PPARGC1A: variants seen among roughly 807,000 people sequenced by gnomAD.
The protein encoded by PPARGC1A is peroxisome proliferator-activated receptor gamma coactivator 1-alpha.
PPARGC1A carries 25 observed loss-of-function variants against 88.7 expected under a neutral mutation model. The ratio of observed to expected loss-of-function variants is 0.28; its 90% confidence interval spans 0.21 to 0.39. The LOEUF is 0.39. Ranked by LOEUF, PPARGC1A falls within the 10% of genes least tolerant of loss-of-function variation. The pLI is 1.00. For missense variants in PPARGC1A, 880 were observed against 968.7 expected, an observed-to-expected ratio of 0.91 and a Z score of 1.22; for synonymous variants, 363 against 355.6, an observed-to-expected ratio of 1.02 and a Z score of -0.24.
the PPARGC1A span, among the ~76,000 whole-genome samples, chr4:24,303,170 C>T: frequency 5.3e-5 from 8 of 152,140 alleles, no homozygotes; most frequent in Admixed American, 2.0e-4. Flanking sequence ...AAAGAATATT[C>T]ACTTTATTTC....
the PPARGC1A span, among the ~76,000 whole-genome samples, chr4:24,225,084 C>A: frequency 6.6e-6 from 1 of 152,116 alleles, no homozygotes; most frequent in Admixed American, 6.5e-5. Context: ...GACTTTTACC[C>A]TGAGTGATAT....
the PPARGC1A span, among the ~76,000 whole-genome samples, chr4:24,234,029 T>C: frequency 6.6e-6 from 1 of 152,160 alleles, no homozygotes; most frequent in Non-Finnish European, 1.5e-5. Flanking sequence ...GGAAAACCAA[T>C]ACAATAACGC....
chr4:24,331,296 A>G, the PPARGC1A span, among the ~76,000 whole-genome samples: 3 of 152,110 alleles, frequency 2.0e-5, no homozygotes, highest in African/African-American at 7.2e-5. Context: ...CTTAGCTTTC[A>G]ACCTGAGCTG....
chr4:24,426,611 T>G, the PPARGC1A span, among the ~76,000 whole-genome samples: 1 of 152,220 alleles, frequency 6.6e-6, no homozygotes, highest in Admixed American at 6.5e-5. Context: ...GGTCAGATAA[T>G]AACCGGCAGT....
the PPARGC1A span, among the ~76,000 whole-genome samples, chr4:24,271,109 T>A: frequency 6.6e-6 from 1 of 152,206 alleles, no homozygotes; most frequent in East Asian, 1.9e-4. Context: ...AGATATAAGA[T>A]GGTGATTTGT....
rs1248837733 is a variant in PPARGC1A at position 23,811,164 on chromosome 4, C to T, written c.2019+1583G>A. 2.0e-5 allele frequency among the ~76,000 whole-genome samples: 3 copies of T among 152,296 alleles called. No homozygotes were observed. In the East Asian group the frequency reaches 5.8e-4, roughly 29 times the overall value. On this transcript the variant is annotated intron_variant, in intron 10 of 12. Coordinates refer to ENST00000264867, the MANE Select transcript of PPARGC1A (RefSeq NM_013261.5). ...TTCTCACTTATTTCTCCTTAAGTGC[C>T]TGTGTTGAACAAATCTCTCATTTAA... is the stretch of plus-strand genomic sequence containing the variant.
the PPARGC1A span, among the ~76,000 whole-genome samples, chr4:24,449,189 C>A: frequency 6.6e-6 from 1 of 152,146 alleles, no homozygotes; most frequent in Non-Finnish European, 1.5e-5. Flanking sequence ...AATTTTCTAG[C>A]CCCTCACTCT....
chr4:24,419,819 G>A, the PPARGC1A span, among the ~76,000 whole-genome samples: 1 of 152,074 alleles, frequency 6.6e-6, no homozygotes, highest in African/African-American at 2.4e-5. Context: ...GACAAAAGAG[G>A]ATAGAAAAAT....
At chr4:24,424,722 T>C in the PPARGC1A span, among the ~76,000 whole-genome samples, 1 of 152,214 alleles carries the variant, frequency 6.6e-6, no homozygotes, top group Non-Finnish European at 1.5e-5. Context: ...AAGCATAATT[T>C]GAGCATCATC....
chr4:23,815,060 G>A (rs750101113), intron 7 of PPARGC1A, among the ~76,000 whole-genome samples: 3 of 151,296 alleles, frequency 2.0e-5, no homozygotes, highest in Admixed American at 6.6e-5. Flanking sequence ...GATGCAAGCA[G>A]CTCAGGGGTC....
intron 2 of PPARGC1A, among the ~76,000 whole-genome samples, chr4:23,849,129 G>A (rs1728827489): frequency 6.6e-6 from 1 of 152,194 alleles, no homozygotes; most frequent in Non-Finnish European, 1.5e-5. Context: ...GGGCGACAGA[G>A]TGAGACTCCG....
At chr4:24,020,170 C>A in the PPARGC1A span, among the ~76,000 whole-genome samples, 34 of 152,310 alleles carry the variant, frequency 2.2e-4, no homozygotes, top group Non-Finnish European at 4.0e-4. Context: ...ACAAGCCAGT[C>A]TACCACCCAA....
the PPARGC1A span, among the ~76,000 whole-genome samples, chr4:24,300,324 A>ATTTTTTTTTTTTTTTTTTTTTTTTTT: frequency 1.3e-4 from 6 of 45,030 alleles, 1 homozygote; most frequent in Non-Finnish European, 2.2e-4. Context: ...ATACAATAGC[A>ATTTTTTTTTTTTTTTTTTTTTTTTTT]TTTTTTTTTT....
chr4:24,412,622 A>G, the PPARGC1A span, among the ~76,000 whole-genome samples: 2 of 152,054 alleles, frequency 1.3e-5, no homozygotes, highest in South Asian at 4.2e-4. Context: ...CTGGGATTAC[A>G]GGCGACCACC....
At chr4:24,064,573 T>TCC in the PPARGC1A span, among the ~76,000 whole-genome samples, 1 of 151,734 alleles carries the variant, frequency 6.6e-6, no homozygotes, top group Non-Finnish European at 1.5e-5. Context: ...ACACAAAGCC[T>TCC]CCCCAAGCTG....
At chr4:24,311,587 C>A in the PPARGC1A span, among the ~76,000 whole-genome samples, 5 of 151,692 alleles carry the variant, frequency 3.3e-5, no homozygotes, top group Non-Finnish European at 7.4e-5. Flanking sequence ...TTGCAGTGAG[C>A]CAAGATCACA....
the PPARGC1A span, among the ~76,000 whole-genome samples, chr4:24,463,785 G>GA: frequency 5.9e-5 from 9 of 151,664 alleles, no homozygotes; most frequent in South Asian, 2.1e-4. Flanking sequence ...ATGGGAGTGG[G>GA]AAAAAAAAGT....
At chr4:23,825,952 T>C (rs1377920242) in intron 5 of PPARGC1A, among the ~76,000 whole-genome samples, 1 of 152,220 alleles carries the variant, frequency 6.6e-6, no homozygotes, top group East Asian at 1.9e-4. Flanking sequence ...ATAATTAGGA[T>C]AATTCATACA....
the PPARGC1A span, among the ~76,000 whole-genome samples, chr4:24,263,601 T>G: frequency 7.2e-5 from 11 of 152,100 alleles, no homozygotes; most frequent in Admixed American, 7.2e-4. Flanking sequence ...TTCCACCTTG[T>G]CCATCTCCAC....
Sources: allele counts gnomAD v4.1 joint callset (sites outside exome capture counted in the v4.1 genomes callset), GRCh38; gene constraint gnomAD v4.1.1; transcripts MANE v1.5; gene names NCBI Gene and HGNC (gene_info 2026-07-23, HGNC 2026-07-21).